TSPAN5: variants seen among roughly 807,000 people sequenced by gnomAD.
The protein encoded by TSPAN5 is tetraspanin 5.
A neutral mutation model predicts 37.1 loss-of-function variants in TSPAN5; 10 were observed. The ratio of observed to expected loss-of-function variants is 0.27; its 90% CI spans 0.17 to 0.46. The LOEUF is 0.46. TSPAN5 is among the 20% of genes least tolerant of loss of function. The probability of loss-of-function intolerance (pLI) is 1.00; values close to 1 mark genes in which losing one functional copy is unlikely to be tolerated. For missense variants in TSPAN5, 195 were observed against 326.6 expected, an observed-to-expected ratio of 0.60 and a Z score of 3.11; for synonymous variants, 110 against 118.9, an observed-to-expected ratio of 0.93 and a Z score of 0.48.
chr4:98,549,305 TTTTTTTG>T lies in TSPAN5; in HGVS notation c.82-41584_82-41578del, dbSNP rs1754551080. Among the ~76,000 whole-genome samples the T allele has an allele frequency of 2.1e-5, 3 of 144,974 alleles. No homozygotes were observed. The Admixed American group carries it at 2.1e-4, about 10-fold the overall frequency. ...TTTTGTTTGTTTGTTTGTTTTTGTT[TTTTTTTG>T]TTTTTTTTGAGGCAGAGTCTCACTC... On this transcript the variant is annotated intron_variant, in intron 1 of 7. Coordinates refer to ENST00000305798, the MANE Select transcript of TSPAN5 (RefSeq NM_005723.4).
chr4:98,621,791 C>A (rs988719884), intron 1 of TSPAN5, among the ~76,000 whole-genome samples: 1 of 151,096 alleles, frequency 6.6e-6, no homozygotes, highest in Non-Finnish European at 1.5e-5. Context: ...CATTCCCACC[C>A]CCCCCGCAGC....
chr4:98,483,186 GA>G (rs1344972340), intron 3 of TSPAN5: 1 of 152,222 alleles, frequency 6.6e-6, no homozygotes, highest in African/African-American at 2.4e-5. Context: ...CAACAGCAGA[GA>G]GGGTGACATG....
chr4:98,592,525 C>T (rs1385790695), intron 1 of TSPAN5, among the ~76,000 whole-genome samples: 3 of 145,326 alleles, frequency 2.1e-5, no homozygotes, highest in South Asian at 2.3e-4. Context: ...CATGCTGGTG[C>T]GCTGCACCCA....
intron 1 of TSPAN5, among the ~76,000 whole-genome samples, chr4:98,517,451 C>A (rs757992732): frequency 3.3e-5 from 5 of 152,006 alleles, no homozygotes; most frequent in African/African-American, 7.2e-5. Flanking sequence ...GGTATCCAAG[C>A]ATTTTTGGAA....
At chr4:98,521,894 A>G (rs994980210) in intron 1 of TSPAN5, among the ~76,000 whole-genome samples, 3 of 152,304 alleles carry the variant, frequency 2.0e-5, no homozygotes, top group Non-Finnish European at 4.4e-5. Flanking sequence ...TAAGAAACAC[A>G]GGACATTTAT....
intron 1 of TSPAN5, among the ~76,000 whole-genome samples, chr4:98,508,102 A>T (rs1578954929): frequency 1.3e-5 from 2 of 152,170 alleles, no homozygotes; most frequent in Admixed American, 6.5e-5. Flanking sequence ...AGAGGCATTA[A>T]CTTAGAGGAA....
chr4:98,531,463 C>G (rs1754086518), intron 1 of TSPAN5, among the ~76,000 whole-genome samples: 1 of 152,208 alleles, frequency 6.6e-6, no homozygotes, highest in Non-Finnish European at 1.5e-5. Flanking sequence ...TTCATCCAGT[C>G]TATCACTGAT....
At chr4:98,614,817 C>T (rs559707728) in intron 1 of TSPAN5, among the ~76,000 whole-genome samples, 1 of 152,246 alleles carries the variant, frequency 6.6e-6, no homozygotes, top group South Asian at 2.1e-4. Flanking sequence ...GTCTCTGTGA[C>T]TAAACGTACA....
In TSPAN5 at chr4:98,476,160, G is replaced by A. The variant is rs755395068; in HGVS notation, c.741+29C>T. On this transcript the variant is annotated intron_variant, in intron 7 of 7. Transcript: ENST00000305798. ...GGCTCTCCCAGGGCATTATTTCCCTGTGATATCCATAAAGGACCCTTATCT... is the reference window on the plus strand; with the variant it reads ...GGCTCTCCCAGGGCATTATTTCCCTATGATATCCATAAAGGACCCTTATCT... 3 of 1,542,548 alleles carry A rather than the reference G, an allele frequency of 1.9e-6. No individual in the cohort carries two copies. The East Asian group carries it at 6.7e-5, about 35-fold the overall frequency.
intron 2 of TSPAN5, among the ~76,000 whole-genome samples, chr4:98,499,726 T>C (rs1753301041): frequency 6.9e-6 from 1 of 145,090 alleles, no homozygotes; most frequent in Admixed American, 7.3e-5. Context: ...AGTGGCGTGA[T>C]CTGGGCTCAC....
chr4:98,511,948 T>G (rs1578957475), intron 1 of TSPAN5, among the ~76,000 whole-genome samples: 1 of 149,604 alleles, frequency 6.7e-6, no homozygotes. Context: ...GGTGCAGGGG[T>G]TCACACCTGT....
chr4:98,511,795 G>A (rs574315750), intron 1 of TSPAN5, among the ~76,000 whole-genome samples: 3 of 152,220 alleles, frequency 2.0e-5, no homozygotes, highest in South Asian at 2.1e-4. Context: ...TATGGAAAAC[G>A]TAAACTACAT....
At chr4:98,484,160 A>G (rs1752909399) in intron 3 of TSPAN5, 1 of 251,606 alleles carries the variant, frequency 4.0e-6, no homozygotes, top group African/African-American at 2.2e-5. Flanking sequence ...TTCAATTCAT[A>G]TAAAATATTT....
intron 1 of TSPAN5, among the ~76,000 whole-genome samples, chr4:98,617,994 T>G (rs907888548): frequency 3.9e-5 from 6 of 152,244 alleles, no homozygotes; most frequent in African/African-American, 1.4e-4. Flanking sequence ...CATCTGCCAC[T>G]GTCCTTGGTC....
chr4:98,513,216 C>T (rs1279584300), intron 1 of TSPAN5, among the ~76,000 whole-genome samples: 1 of 149,782 alleles, frequency 6.7e-6, no homozygotes, highest in Non-Finnish European at 1.5e-5. Context: ...AGCAGGTTTG[C>T]AATTAGAGAC....
chr4:98,560,595 C>T (rs1754859752), intron 1 of TSPAN5, among the ~76,000 whole-genome samples: 1 of 152,196 alleles, frequency 6.6e-6, no homozygotes, highest in Admixed American at 6.5e-5. Flanking sequence ...GAAATGTGAA[C>T]AACAAAGCTC....
At chr4:98,656,398 T>A (rs1035807174) in intron 1 of TSPAN5, among the ~76,000 whole-genome samples, 4 of 152,150 alleles carry the variant, frequency 2.6e-5, no homozygotes, top group Admixed American at 2.0e-4. Context: ...AGGCCTGAAC[T>A]CACTACCCCA....
chr4:98,475,322 GTCT>G (rs1344498941), intron 7 of TSPAN5, among the ~76,000 whole-genome samples: 3 of 152,118 alleles, frequency 2.0e-5, no homozygotes, highest in Admixed American at 6.6e-5. Context: ...ATTTACTTAG[GTCT>G]TCTTTAATTT....
intron 1 of TSPAN5, among the ~76,000 whole-genome samples, chr4:98,516,173 G>A (rs1753725437): frequency 6.6e-6 from 1 of 152,152 alleles, no homozygotes; most frequent in Admixed American, 6.5e-5. Flanking sequence ...CCCCAACAGG[G>A]GCTCCTGTAC....
Sources: allele counts gnomAD v4.1 joint callset (sites outside exome capture counted in the v4.1 genomes callset), GRCh38; gene constraint gnomAD v4.1.1; transcripts MANE v1.5; gene names NCBI Gene and HGNC (gene_info 2026-07-23, HGNC 2026-07-21).